Variants in RNF180 observed in about 807,000 individuals in gnomAD.
The protein encoded by RNF180 is ring finger protein 180, also known as E3 ubiquitin-protein ligase RNF180.
RNF180 carries 38 observed loss-of-function variants against 59.2 expected under a neutral mutation model. The observed-to-expected ratio is 0.64, with a 90% CI of 0.50 to 0.84. RNF180 has a LOEUF of 0.84. Ranked by LOEUF, RNF180 falls within the 40% of genes least tolerant of loss-of-function variation. RNF180 has a pLI of 0.00. For missense variants in RNF180, 705 were observed against 700.9 expected (o/e 1.01, Z -0.07); for synonymous variants, 262 against 240.3 (o/e 1.09, Z -0.84).
intron 5 of RNF180, among the ~76,000 whole-genome samples, chr5:64,224,969 C>G (rs1350654501): frequency 6.6e-6 from 1 of 152,164 alleles, no homozygotes; most frequent in African/African-American, 2.4e-5. Flanking sequence ...GTCCCTTGAC[C>G]TTGGGCTGCT....
rs565900203 is a variant in RNF180, at chr5:64,322,187, A to G, written c.1228-2999A>G. Reference sequence around the variant, plus strand: ...TCTAATTAAGCTAACAAGCTTCTGCATAGCAAAAGAAACTATAATCAGAGT... The same window carrying G: ...TCTAATTAAGCTAACAAGCTTCTGCGTAGCAAAAGAAACTATAATCAGAGT... On this transcript the variant is annotated intron_variant, in intron 5 of 7. Transcript: ENST00000389100. Among the ~76,000 whole-genome samples, 15 of 152,360 alleles carry G rather than the reference A, an allele frequency of 9.8e-5. 2 individuals carry two copies. Among genetic ancestry groups the G allele is most frequent in the African/African-American group, 3.6e-4 (15 of 41,588 alleles).
At chr5:64,267,874 C>T (rs1744780035) in intron 5 of RNF180, among the ~76,000 whole-genome samples, 1 of 152,050 alleles carries the variant, frequency 6.6e-6, no homozygotes, top group Non-Finnish European at 1.5e-5. Context: ...TCTTTAATTT[C>T]TGGTGACAGT....
chr5:64,230,851 T>C (rs1742058788), intron 5 of RNF180, among the ~76,000 whole-genome samples: 1 of 152,228 alleles, frequency 6.6e-6, no homozygotes, highest in Non-Finnish European at 1.5e-5. Flanking sequence ...TTCCACATTA[T>C]TCACTTCTCT....
At chr5:64,317,288 T>TG (rs1744091629) in intron 5 of RNF180, among the ~76,000 whole-genome samples, 1 of 152,160 alleles carries the variant, frequency 6.6e-6, no homozygotes, top group Non-Finnish European at 1.5e-5. Flanking sequence ...TAAAAAGTTA[T>TG]GTTTATACTG....
intron 5 of RNF180, among the ~76,000 whole-genome samples, chr5:64,230,700 G>T (rs1742046895): frequency 6.6e-6 from 1 of 152,140 alleles, no homozygotes; most frequent in African/African-American, 2.4e-5. Flanking sequence ...AAGTGGGGAG[G>T]GAAATATTAT....
intron 1 of RNF180, among the ~76,000 whole-genome samples, chr5:64,194,283 C>T (rs1751338616): frequency 6.6e-6 from 1 of 152,058 alleles, no homozygotes; most frequent in Admixed American, 6.6e-5. Flanking sequence ...CGATAGTTTG[C>T]TGAGAATGAT....
Position 64,169,527 on chromosome 5 carries a change from A to G in RNF180, c.-1+3574A>G, listed in dbSNP as rs904912182. ...GACTACCATTATGACTATCAGAAAGATAATACCAAGAGTTTGGAATGTGAT... is the reference window on the plus strand; with the variant it reads ...GACTACCATTATGACTATCAGAAAGGTAATACCAAGAGTTTGGAATGTGAT... On this transcript the variant is annotated intron_variant, in intron 1 of 7. Coordinates refer to ENST00000389100, the MANE Select transcript of RNF180 (RefSeq NM_001113561.2). 2.0e-5 allele frequency among the ~76,000 whole-genome samples: 3 copies of G among 152,232 alleles called. No homozygotes were observed. The South Asian group carries it at 6.2e-4, about 31-fold the overall frequency.
intron 5 of RNF180, among the ~76,000 whole-genome samples, chr5:64,299,919 C>A (rs568849818): frequency 6.6e-6 from 1 of 151,650 alleles, no homozygotes; most frequent in South Asian, 2.1e-4. Flanking sequence ...TTGTGCAGTC[C>A]CCCTAGATCC....
intron 4 of RNF180, among the ~76,000 whole-genome samples, chr5:64,215,602 A>C (rs1371120979): frequency 6.6e-6 from 1 of 152,148 alleles, no homozygotes; most frequent in Non-Finnish European, 1.5e-5. Context: ...TATATTACAG[A>C]ATGTAAAAAA....
chr5:64,215,306 T>A (rs1383301347), intron 4 of RNF180, among the ~76,000 whole-genome samples: 2 of 152,166 alleles, frequency 1.3e-5, no homozygotes, highest in Non-Finnish European at 2.9e-5. Context: ...AATAGTGTCC[T>A]TATTAATCAG....
chr5:64,303,925 A>C (rs1743298138), intron 5 of RNF180, among the ~76,000 whole-genome samples: 2 of 151,580 alleles, frequency 1.3e-5, no homozygotes, highest in South Asian at 4.2e-4. Flanking sequence ...GGATAGGCTT[A>C]CTCTCTTGCT....
At position 64,372,466 on chromosome 5, in the gene RNF180, C is replaced by T. The variant is rs114655332; in HGVS notation, c.*2652C>T. Reference sequence around the variant, plus strand: ...TTATATGCTAAATATGAAAGCAGTGCTGCCATCAGTTTCACTTCTGCCTTG... The same window carrying T: ...TTATATGCTAAATATGAAAGCAGTGTTGCCATCAGTTTCACTTCTGCCTTG... On this transcript the variant is annotated 3_prime_UTR_variant, in exon 8 of 8. Coordinates refer to ENST00000389100, the MANE Select transcript of RNF180 (RefSeq NM_001113561.2). 395 of 152,022 alleles carry T rather than the reference C, an allele frequency of 2.6e-3. 3 individuals are homozygous for T. Among genetic ancestry groups the T allele is most frequent in the African/African-American group, 9.2e-3 (382 of 41,542 alleles). 9.4% of individuals were successfully genotyped at this position (152,022 alleles called of 1,614,324 possible).
chr5:64,230,258 T>A (rs189601184), intron 5 of RNF180, among the ~76,000 whole-genome samples: 6 of 152,358 alleles, frequency 3.9e-5, no homozygotes, highest in Non-Finnish European at 7.3e-5. Context: ...TGTCACAAAT[T>A]ACCACAAATT....
intron 7 of RNF180, among the ~76,000 whole-genome samples, chr5:64,344,144 C>G (rs115601083): frequency 6.6e-6 from 1 of 151,782 alleles, no homozygotes; most frequent in Non-Finnish European, 1.5e-5. Context: ...AAAATTCATA[C>G]TAAAATAGAT....
intron 5 of RNF180, among the ~76,000 whole-genome samples, chr5:64,265,541 G>T (rs1744613803): frequency 6.6e-6 from 1 of 152,074 alleles, no homozygotes; most frequent in African/African-American, 2.4e-5. Flanking sequence ...GGCTGTAGAT[G>T]TGCGGTATTA....
intron 5 of RNF180, among the ~76,000 whole-genome samples, chr5:64,255,272 T>C (rs1390687845): frequency 6.6e-6 from 1 of 152,202 alleles, no homozygotes; most frequent in Non-Finnish European, 1.5e-5. Flanking sequence ...GTTGCATATG[T>C]ATACATGTGC....
At position 64,177,816 on chromosome 5, in the gene RNF180, C is replaced by T. The variant is rs369974682; in HGVS notation, c.-1+11863C>T. 2.4e-4 allele frequency among the ~76,000 whole-genome samples: 37 copies of T among 151,974 alleles called. 1 individual carries two copies. The East Asian group carries it at 3.3e-3, about 14-fold the overall frequency. ...TAAACCAACAATGGATGGTGAAGCA[C>T]CCCAAGACTAGCAATAATGAGAGTC... is the stretch of plus-strand genomic sequence containing the variant. On this transcript the variant is annotated intron_variant, in intron 1 of 7. Transcript: ENST00000389100.
chr5:64,225,161 C>G (rs1427154307), intron 5 of RNF180, among the ~76,000 whole-genome samples: 1 of 152,246 alleles, frequency 6.6e-6, no homozygotes, highest in Non-Finnish European at 1.5e-5. Context: ...AAAACTGGAA[C>G]TAACCATTTT....
intron 5 of RNF180, among the ~76,000 whole-genome samples, chr5:64,233,943 A>G (rs1236216011): frequency 6.6e-6 from 1 of 152,142 alleles, no homozygotes; most frequent in Non-Finnish European, 1.5e-5. Flanking sequence ...GGTTCAGAAA[A>G]CTTATCATAC....
Sources: allele counts gnomAD v4.1 joint callset (sites outside exome capture counted in the v4.1 genomes callset), GRCh38; gene constraint gnomAD v4.1.1; transcripts MANE v1.5; gene names NCBI Gene and HGNC (gene_info 2026-07-23, HGNC 2026-07-21).